RHOBTB1: variants seen among roughly 807,000 people sequenced by gnomAD.
RHOBTB1 encodes rho-related BTB domain-containing protein 1.
A neutral mutation model predicts 71.6 loss-of-function variants in RHOBTB1; 40 were observed. The ratio of observed to expected loss-of-function variants is 0.56; its 90% CI spans 0.43 to 0.73. The LOEUF (loss-of-function observed/expected upper bound fraction) is 0.73. RHOBTB1 is among the 30% of genes least tolerant of loss of function. The pLI is 0.00. For missense variants in RHOBTB1, 797 were observed against 894.0 expected, an observed-to-expected ratio of 0.89 and a Z score of 1.38; for synonymous variants, 319 against 334.9, an observed-to-expected ratio of 0.95 and a Z score of 0.52.
intron 2 of RHOBTB1, among the ~76,000 whole-genome samples, chr10:60,949,197 A>G (rs141075488): frequency 6.6e-5 from 10 of 152,322 alleles, no homozygotes; most frequent in African/African-American, 2.2e-4. Context: ...GCTAAAGTAG[A>G]TGCTTCTCCA....
intron 1 of RHOBTB1, among the ~76,000 whole-genome samples, chr10:60,991,408 G>A (rs2086861743): frequency 6.7e-6 from 1 of 150,368 alleles, no homozygotes; most frequent in Non-Finnish European, 1.5e-5. Context: ...CTGCACTCCA[G>A]ACAGTGTGGC....
rs1433384658 is a variant in RHOBTB1, at chr10:60,872,017, G to A, written c.1921+168C>T. 4 of 664,868 alleles carry A rather than the reference G, an allele frequency of 6.0e-6. No individual in the cohort carries two copies. In the Admixed American group the frequency reaches 7.2e-5, roughly 12 times the overall value. 41.2% of individuals were successfully genotyped at this position (664,868 alleles called of 1,614,324 possible). Reference sequence around the variant, plus strand: ...TCAAGTTCTCCAAAGACAATTCCCAGCCTTCAATTCCTTATGTCATCTCAC... The same window carrying A: ...TCAAGTTCTCCAAAGACAATTCCCAACCTTCAATTCCTTATGTCATCTCAC... On this transcript the variant is annotated intron_variant, in intron 10 of 10. Transcript: ENST00000337910.
At chr10:60,967,565 G>C (rs2086014097) in intron 2 of RHOBTB1, among the ~76,000 whole-genome samples, 1 of 152,048 alleles carries the variant, frequency 6.6e-6, no homozygotes, top group Non-Finnish European at 1.5e-5. Context: ...AGAGCTGTAA[G>C]ATTTTTTTCT....
chr10:60,924,539 A>T (rs1308161314), intron 2 of RHOBTB1, among the ~76,000 whole-genome samples: 1 of 152,206 alleles, frequency 6.6e-6, no homozygotes, highest in African/African-American at 2.4e-5. Context: ...ACCCTGATAT[A>T]GTAAGAGCCA....
the RHOBTB1 span, among the ~76,000 whole-genome samples, chr10:60,861,546 C>T: frequency 5.3e-5 from 8 of 152,152 alleles, no homozygotes; most frequent in Admixed American, 5.2e-4. Flanking sequence ...TGGCTTTCAT[C>T]TGAAGGCCTT....
chr10:60,929,424 A>T (rs1565017853), intron 2 of RHOBTB1, among the ~76,000 whole-genome samples: 1 of 152,222 alleles, frequency 6.6e-6, no homozygotes, highest in East Asian at 1.9e-4. Flanking sequence ...CTTAGATATC[A>T]AAGACTCAGG....
chr10:60,923,905 T>G (rs2083709173), intron 2 of RHOBTB1, among the ~76,000 whole-genome samples: 1 of 152,198 alleles, frequency 6.6e-6, no homozygotes, highest in Admixed American at 6.5e-5. Context: ...GAAACCTCAT[T>G]TTCTCTATAA....
At chr10:60,951,857 G>C (rs1355404800) in intron 2 of RHOBTB1, among the ~76,000 whole-genome samples, 2 of 152,150 alleles carry the variant, frequency 1.3e-5, no homozygotes, top group African/African-American at 4.8e-5. Flanking sequence ...AGGAGTTTGA[G>C]ACCAGCCTGG....
chr10:60,933,183 T>G (rs1408737724), intron 2 of RHOBTB1, among the ~76,000 whole-genome samples: 1 of 152,186 alleles, frequency 6.6e-6, no homozygotes, highest in Non-Finnish European at 1.5e-5. Context: ...ATGAATAGCT[T>G]CTAGCTAGTA....
chr10:60,955,006 C>T (rs1474722371), intron 2 of RHOBTB1, among the ~76,000 whole-genome samples: 2 of 145,854 alleles, frequency 1.4e-5, no homozygotes, highest in African/African-American at 2.5e-5. Context: ...GCTACCCATA[C>T]TTATTTGACA....
At chr10:60,890,690 T>C (rs1443368521) in intron 5 of RHOBTB1, among the ~76,000 whole-genome samples, 2 of 152,196 alleles carry the variant, frequency 1.3e-5, no homozygotes, top group African/African-American at 4.8e-5. Flanking sequence ...GGACAGACAC[T>C]GGTCTTAGGA....
chr10:60,910,720 C>T (rs12242007), intron 4 of RHOBTB1, among the ~76,000 whole-genome samples, 167 bp downstream of exon 4: 2,191 of 152,266 alleles, frequency 0.014, 61 homozygotes, highest in African/African-American at 0.05. Flanking sequence ...TTCTTGACAT[C>T]AGGAAACAAT....
At chr10:60,991,247 C>T (rs2086853684) in intron 1 of RHOBTB1, among the ~76,000 whole-genome samples, 1 of 152,024 alleles carries the variant, frequency 6.6e-6, no homozygotes, top group African/African-American at 2.4e-5. Context: ...TACAGCACTC[C>T]CCACACCCCC....
rs149282005 is a variant in RHOBTB1 at position 60,920,237 on chromosome 10, G to GC, written c.-10-8686dup. 5.5e-3 allele frequency among the ~76,000 whole-genome samples: 831 copies of GC among 152,316 alleles called. 7 individuals are homozygous for GC. The highest frequency in any genetic ancestry group is 5.0e-3 in the Non-Finnish European group (342 of 68,028). ...TAGGTGTACAGTGAAAAGCAAGCCAGCGGTGGTTCACAGTCAGGTGGAAAG... is the reference window on the plus strand; with the variant it reads ...TAGGTGTACAGTGAAAAGCAAGCCAGCCGGTGGTTCACAGTCAGGTGGAAAG... On this transcript the variant is annotated intron_variant, in intron 2 of 10. Coordinates refer to ENST00000337910, the MANE Select transcript of RHOBTB1 (RefSeq NM_014836.5).
chr10:60,892,003 C>T (rs1004190057), intron 5 of RHOBTB1, among the ~76,000 whole-genome samples: 3 of 152,104 alleles, frequency 2.0e-5, no homozygotes, highest in South Asian at 2.1e-4. Flanking sequence ...TCTCTCCTGC[C>T]GCCATACGAA....
downstream of RHOBTB1, among the ~76,000 whole-genome samples, chr10:60,866,631 G>T (rs532962305): frequency 1.3e-5 from 2 of 152,008 alleles, no homozygotes; most frequent in Admixed American, 1.3e-4. Context: ...AATTGCTCCC[G>T]AGTGAATCAG....
intron 1 of RHOBTB1, among the ~76,000 whole-genome samples, chr10:60,987,991 T>A (rs892825516): frequency 1.8e-4 from 24 of 134,148 alleles, no homozygotes; most frequent in African/African-American, 6.4e-4. Flanking sequence ...TGGAGTGCAC[T>A]GGCGCGATCT....
Position 60,870,637 on chromosome 10 carries a change from T to C in RHOBTB1, c.*845A>G, listed in dbSNP as rs2080734838. The C allele has an allele frequency of 6.6e-6, 1 of 152,238 alleles. No individual in the cohort carries two copies. Among genetic ancestry groups the C allele is most frequent in the Non-Finnish European group, 1.5e-5 (1 of 68,034 alleles). 9.4% of individuals were successfully genotyped at this position (152,238 alleles called of 1,614,324 possible). On this transcript the variant is annotated 3_prime_UTR_variant, in exon 11 of 11. Coordinates refer to ENST00000337910, the MANE Select transcript of RHOBTB1 (RefSeq NM_014836.5). ...GGCAAGTTCAAGGAATACTGAGAGA[T>C]GTAAACCCTAATACAGCAATCCGAA...
At chr10:60,872,917 A>T (rs954772403) in intron 9 of RHOBTB1, among the ~76,000 whole-genome samples, 2 of 151,916 alleles carry the variant, frequency 1.3e-5, no homozygotes, top group African/African-American at 4.8e-5. Flanking sequence ...CTACTCCCCC[A>T]TTCCCTCCCC....
Sources: gnomAD v4.1 joint callset for allele counts (sites outside exome capture counted in the v4.1 genomes callset) on GRCh38, gnomAD v4.1.1 for gene constraint, MANE v1.5 for transcripts, NCBI Gene and HGNC (gene_info 2026-07-23, HGNC 2026-07-21) for gene names.